SNX33: variants seen among roughly 807,000 people sequenced by gnomAD.
The protein encoded by SNX33 is sorting nexin-33.
SNX33 carries 19 observed loss-of-function variants against 38.8 expected under a neutral mutation model. The observed-to-expected ratio is 0.49, with a 90% confidence interval of 0.34 to 0.72. The LOEUF (loss-of-function observed/expected upper bound fraction) is 0.72. SNX33 is among the 30% of genes least tolerant of loss of function. SNX33 has a pLI of 0.01. For synonymous variants in SNX33, 246 were observed against 289.7 expected (o/e 0.85, Z 1.53); for missense variants, 641 against 776.4 (o/e 0.83, Z 2.07).
chr15:75,657,119 G>A lies in SNX33; in HGVS notation c.1629G>A (p.Lys543=). The A allele has an allele frequency of 1.9e-6, 3 of 1,614,198 alleles. No homozygotes were observed. The highest frequency in any genetic ancestry group is 2.5e-6 in the Non-Finnish European group (3 of 1,180,022). ...ACCAGCGCCGTGAGCTCGACTTCAA[G>A]CACATGATGCAGAACTACTTGCGCC... The part of the protein sequence containing the change: ...HFHQRRELDF[K]HMMQNYLRQQ... The change falls in exon 2 of 2, where the codon AAG becomes AAA. Residue 543 remains lysine (K), a synonymous_variant. Coordinates refer to ENST00000308527, the MANE Select transcript of SNX33 (RefSeq NM_153271.2). The surrounding 1 kb of genome is among the most constrained non-coding windows in gnomAD (Gnocchi z 5.5).
chr15:75,656,676 C>T (rs1300217026), intron 1 of SNX33, among the ~76,000 whole-genome samples: 1 of 152,118 alleles, frequency 6.6e-6, no homozygotes, highest in Non-Finnish European at 1.5e-5. Flanking sequence ...CAGGCTCTAT[C>T]CTCATTGAAT....
intron 1 of SNX33, among the ~76,000 whole-genome samples, chr15:75,654,570 G>A (rs1037474949): frequency 5.3e-5 from 8 of 152,214 alleles, no homozygotes; most frequent in Admixed American, 2.6e-4. Flanking sequence ...GACCCAGCCT[G>A]TAAGAGGAGT....
chr15:75,657,578 T>TG lies in SNX33; in HGVS notation c.*364dup. 1 of 327,018 alleles carries TG rather than the reference T, an allele frequency of 3.1e-6. No individual in the cohort carries two copies. 20.3% of individuals were successfully genotyped at this position (327,018 alleles called of 1,614,324 possible). The stretch of plus-strand genomic sequence containing the variant: ...CCATTCAGCAGACACCGAGGCCTGC[T>TG]GCACCCTTGGGTCGGATGCTGGGCA... On this transcript the variant is annotated 3_prime_UTR_variant, in exon 2 of 2. Coordinates refer to ENST00000308527, the MANE Select transcript of SNX33 (RefSeq NM_153271.2). The surrounding 1 kb of genome is among the most constrained non-coding windows in gnomAD (Gnocchi z 5.5).
At chr15:75,652,173 T>A (rs1363708909) in intron 1 of SNX33, among the ~76,000 whole-genome samples, 2 of 152,106 alleles carry the variant, frequency 1.3e-5, no homozygotes, top group Non-Finnish European at 2.9e-5. Context: ...AACAAGGGAA[T>A]GGGGTCCCAG....
intron 1 of SNX33, among the ~76,000 whole-genome samples, chr15:75,653,865 C>T (rs1190910128): frequency 1.3e-5 from 2 of 151,942 alleles, no homozygotes; most frequent in Non-Finnish European, 1.5e-5. Flanking sequence ...TTTGGGAGGC[C>T]GAAGTGGGCG....
Position 75,662,269 on chromosome 15 carries a change from T to C in SNX33, c.*5054T>C, listed in dbSNP as rs1414029687. ...TCAGTTTATGACTTGTGTCCTGTCTTGTAGATACTTAATTAAACGGTATTA... is the reference window on the plus strand; with the variant it reads ...TCAGTTTATGACTTGTGTCCTGTCTCGTAGATACTTAATTAAACGGTATTA... On this transcript the variant is annotated 3_prime_UTR_variant, in exon 2 of 2. Coordinates refer to ENST00000308527, the MANE Select transcript of SNX33 (RefSeq NM_153271.2). 6.6e-6 allele frequency: 1 copy of C among 152,256 alleles called. No homozygotes were observed. Among genetic ancestry groups the C allele is most frequent in the Non-Finnish European group, 1.5e-5 (1 of 68,044 alleles). The allele number at this position is 152,256 out of a possible 1,614,324, so 9.4% of individuals were successfully genotyped here.
At position 75,649,753 on chromosome 15, in the gene SNX33, C is replaced by G. The variant is rs780180564; in HGVS notation, c.651C>G (p.Gly217=). 13 of 1,524,940 alleles carry G rather than the reference C, an allele frequency of 8.5e-6. No homozygotes were observed. The highest frequency in any genetic ancestry group is 1.1e-5 in the Non-Finnish European group (13 of 1,134,596). 94.5% of individuals were successfully genotyped at this position (1,524,940 alleles called of 1,614,324 possible). ...CTGAGACATACTCCATTGAAATGGGCCCTCGTGGCCCCCAGTGGAAGGCCA... is the reference window on the plus strand; with the variant it reads ...CTGAGACATACTCCATTGAAATGGGGCCTCGTGGCCCCCAGTGGAAGGCCA... The part of the protein sequence containing the change: ...KIAETYSIEM[G]PRGPQWKANP... The change falls in exon 1 of 2, where the codon GGC becomes GGG. Residue 217 remains glycine (G), a synonymous_variant. Transcript: ENST00000308527. This position sits in a 1 kb window ranked among gnomAD's most constrained non-coding sequence, Gnocchi z 6.6.
At chr15:75,655,598 G>A (rs1893644052) in intron 1 of SNX33, among the ~76,000 whole-genome samples, 1 of 152,200 alleles carries the variant, frequency 6.6e-6, no homozygotes, top group Admixed American at 6.5e-5. Flanking sequence ...AAGGCATCCA[G>A]AGTTATTCCC....
In SNX33 at chr15:75,660,021, GTGTTGGGGGCATCC is replaced by G. The variant is rs1370698404; in HGVS notation, c.*2809_*2822del. On this transcript the variant is annotated 3_prime_UTR_variant, in exon 2 of 2. Transcript: ENST00000308527. Reference sequence around the variant, plus strand: ...CTTTCAGCAGGAGATTGGGGGACCAGTGTTGGGGGCATCCTGGTGATGGCCGATTCCTGCCTCGT... The same window carrying G: ...CTTTCAGCAGGAGATTGGGGGACCAGTGGTGATGGCCGATTCCTGCCTCGT... The G allele has an allele frequency of 2.6e-5, 4 of 152,074 alleles. No individual in the cohort carries two copies. The highest frequency in any genetic ancestry group is 2.0e-4 in the Admixed American group (3 of 15,270). 9.4% of individuals were successfully genotyped at this position (152,074 alleles called of 1,614,324 possible). A position where few individuals can be genotyped will look rare whatever the true frequency, so the allele number is the denominator to read the frequency against.
At chr15:75,656,239 G>T (rs980841083) in intron 1 of SNX33, among the ~76,000 whole-genome samples, 1 of 152,204 alleles carries the variant, frequency 6.6e-6, no homozygotes, top group Non-Finnish European at 1.5e-5. Context: ...GAGACATTCT[G>T]TCAGGGGAAC....
chr15:75,649,097 C>T lies in SNX33; in HGVS notation c.-6C>T. 2.5e-6 allele frequency: 4 copies of T among 1,578,768 alleles called. No individual in the cohort carries two copies. The highest frequency in any genetic ancestry group is 3.5e-6 in the Non-Finnish European group (4 of 1,158,374). On this transcript the variant is annotated 5_prime_UTR_variant, in exon 1 of 2. Transcript: ENST00000308527. The surrounding 1 kb of genome is among the most constrained non-coding windows in gnomAD (Gnocchi z 6.6). Reference sequence around the variant, plus strand: ...TTCCCATCTTTCTATACCACCCAGCCCAGCCATGGCACTGAAAGGCCGAGC... The same window carrying T: ...TTCCCATCTTTCTATACCACCCAGCTCAGCCATGGCACTGAAAGGCCGAGC...
rs1463579828 is a variant in SNX33, at chr15:75,649,895, C to T, written c.793C>T (p.Arg265Trp). The change falls in exon 1 of 2, where the codon CGG (arginine) becomes TGG (tryptophan). Residue 265 changes from arginine to tryptophan, a missense_variant. Around this residue, in one of 2 missense-constraint regions of SNX33, gnomAD observed 398 missense variants for 542.5 expected, o/e 0.73. Coordinates refer to ENST00000308527, the MANE Select transcript of SNX33 (RefSeq NM_153271.2). This position sits in a 1 kb window ranked among gnomAD's most constrained non-coding sequence, Gnocchi z 6.6. Reference sequence around the variant, plus strand: ...CACCCATGCTGCCTCACCCGTCTACCGGCGCTACAAACACTTTGACTGGCT... The same window carrying T: ...CACCCATGCTGCCTCACCCGTCTACTGGCGCTACAAACACTTTGACTGGCT... Reference protein sequence around the residue: ...TPTHAASPVYRRYKHFDWLYN... With the variant: ...TPTHAASPVYWRYKHFDWLYN... The T allele has an allele frequency of 1.9e-6, 3 of 1,557,558 alleles. No homozygotes were observed. Among genetic ancestry groups the T allele is most frequent in the Admixed American group, 2.0e-5 (1 of 50,502 alleles).
Position 75,650,059 on chromosome 15 carries a change from C to T in SNX33, c.957C>T (p.Ser319=), listed in dbSNP as rs1893556920. Residue 319 remains serine (S), a synonymous_variant, in exon 1 of 2, where the codon AGC becomes AGT. Coordinates refer to ENST00000308527, the MANE Select transcript of SNX33 (RefSeq NM_153271.2). This position sits in a 1 kb window ranked among gnomAD's most constrained non-coding sequence, Gnocchi z 6.1. ...TCCTCTGGATGGACCACATGACCAG[C>T]CACCCTGTGCTCTCCCAGTACGAAG... ...RLILWMDHMT[S]HPVLSQYEGF... is the part of the protein sequence containing the mutation. The T allele has an allele frequency of 6.2e-7, 1 of 1,613,010 alleles. No homozygotes were observed. The highest frequency in any genetic ancestry group is 1.3e-5 in the African/African-American group (1 of 74,882).
Position 75,658,307 on chromosome 15 carries a change from G to C in SNX33, c.*1092G>C, listed in dbSNP as rs1018940072. Reference sequence around the variant, plus strand: ...GCACTGTCTTCCCAAGATCCTTCCTGTTGCACAATGGGAAACCTAAGAGGA... The same window carrying C: ...GCACTGTCTTCCCAAGATCCTTCCTCTTGCACAATGGGAAACCTAAGAGGA... On this transcript the variant is annotated 3_prime_UTR_variant, in exon 2 of 2. Transcript: ENST00000308527. This position sits in a 1 kb window ranked among gnomAD's most constrained non-coding sequence, Gnocchi z 4.1. The C allele has an allele frequency of 6.6e-6, 1 of 152,648 alleles. No individual in the cohort carries two copies. Among genetic ancestry groups the C allele is most frequent in the Non-Finnish European group, 1.5e-5 (1 of 68,048 alleles). 9.5% of individuals were successfully genotyped at this position (152,648 alleles called of 1,614,324 possible).
In SNX33 at chr15:75,649,389, G is replaced by A; in HGVS notation, c.287G>A (p.Ser96Asn). ...CCCAGTGTGGCCAGCCCAGCTAGGA[G>A]TGGTGGGGGCAGTGGCTTCCTCTCA... Reference protein sequence around the residue: ...NSPSVASPARSGGGSGFLSNQ... With the variant: ...NSPSVASPARNGGGSGFLSNQ... Residue 96 changes from serine (S) to asparagine (N), a missense_variant, in exon 1 of 2, where the codon AGT becomes AAT. Physicochemically the swap from Ser to Asn is conservative, Grantham distance 46. Transcript: ENST00000308527. The surrounding 1 kb of genome is among the most constrained non-coding windows in gnomAD (Gnocchi z 6.6). The A allele has an allele frequency of 6.5e-7, 1 of 1,549,552 alleles. No individual in the cohort carries two copies. Among genetic ancestry groups the A allele is most frequent in the South Asian group, 1.2e-5 (1 of 80,350 alleles).
At position 75,657,452 on chromosome 15, in the gene SNX33, G is replaced by T; in HGVS notation, c.*237G>T. 1 of 658,568 alleles carries T rather than the reference G, an allele frequency of 1.5e-6. No homozygotes were observed. Among genetic ancestry groups the T allele is most frequent in the Non-Finnish European group, 2.5e-6 (1 of 396,838 alleles). The allele number at this position is 658,568 out of a possible 1,614,324, so 40.8% of individuals were successfully genotyped here. On this transcript the variant is annotated 3_prime_UTR_variant, in exon 2 of 2. Coordinates refer to ENST00000308527, the MANE Select transcript of SNX33 (RefSeq NM_153271.2). This position sits in a 1 kb window ranked among gnomAD's most constrained non-coding sequence, Gnocchi z 5.5. ...TGAGAATAGAGTCAGGAGCCCTCGA[G>T]GCCAAGGCCTGGGCTGCCGGTCAGT... is the stretch of plus-strand genomic sequence containing the variant.
In SNX33 at chr15:75,657,318, G is replaced by A. The variant is rs1040832239; in HGVS notation, c.*103G>A. On this transcript the variant is annotated 3_prime_UTR_variant, in exon 2 of 2. Transcript: ENST00000308527. The surrounding 1 kb of genome is among the most constrained non-coding windows in gnomAD (Gnocchi z 5.5). ...AGCAGTGACTGGGGGAGGGGTCAGCGGTGGGGGAGATAAGCGGCCTGTCCT... is the reference window on the plus strand; with the variant it reads ...AGCAGTGACTGGGGGAGGGGTCAGCAGTGGGGGAGATAAGCGGCCTGTCCT... 39 of 1,549,386 alleles carry A rather than the reference G, an allele frequency of 2.5e-5. No individual in the cohort carries two copies. Among genetic ancestry groups the A allele is most frequent in the Non-Finnish European group, 3.1e-5 (35 of 1,145,904 alleles).
rs1893544696 is a variant in SNX33 at position 75,649,538 on chromosome 15, T to A, written c.436T>A (p.Ser146Thr). The A allele has an allele frequency of 6.2e-7, 1 of 1,610,708 alleles. No homozygotes were observed. The highest frequency in any genetic ancestry group is 1.7e-5 in the Admixed American group (1 of 59,718). Residue 146 changes from serine (S) to threonine (T), a missense_variant, in exon 1 of 2, where the codon TCC becomes ACC. By Grantham distance (58) the Ser-to-Thr change is moderately conservative. Transcript: ENST00000308527. The surrounding 1 kb of genome is among the most constrained non-coding windows in gnomAD (Gnocchi z 6.6). ...GTNGHPPLNL[S>T]YPGAYPSQHM... ...CAACGGGCACCCTCCCCTCAACCTC[T>A]CCTACCCTGGTGCCTACCCCAGCCA...
Position 75,647,988 on chromosome 15 carries a change from G to A in SNX33, c.-1115G>A, listed in dbSNP as rs1337962241. The stretch of plus-strand genomic sequence containing the variant: ...GCGCCGGGGAAGGCAGGCTGGGGGC[G>A]CAGCCCGCCCCCCACTGGCCGGGCC... On this transcript the variant is annotated 5_prime_UTR_variant, in exon 1 of 2. Coordinates refer to ENST00000308527, the MANE Select transcript of SNX33 (RefSeq NM_153271.2). 3 of 985,326 alleles carry A rather than the reference G, an allele frequency of 3.0e-6. No individual in the cohort carries two copies. The highest frequency in any genetic ancestry group is 3.6e-6 in the Non-Finnish European group (3 of 829,942). 61.0% of individuals were successfully genotyped at this position (985,326 alleles called of 1,614,324 possible).
Sources: allele counts gnomAD v4.1 joint callset (sites outside exome capture counted in the v4.1 genomes callset), GRCh38; gene constraint gnomAD v4.1.1; regional missense constraint gnomAD v4.1.1; non-coding constraint Gnocchi (gnomAD v3.1); transcripts MANE v1.5; gene names NCBI Gene and HGNC (gene_info 2026-07-23, HGNC 2026-07-21).